The following ANKRD36C variants were observed in gnomAD, a reference collection of about 807,000 sequenced individuals.
ANKRD36C encodes the protein ankyrin repeat domain 36C.
A neutral mutation model predicts 276.4 loss-of-function variants in ANKRD36C; 61 were observed. The ratio of observed to expected loss-of-function variants is 0.22; its 90% CI spans 0.18 to 0.27. ANKRD36C has a LOEUF of 0.27. ANKRD36C is among the 10% of genes least tolerant of loss of function. The pLI, the probability that ANKRD36C is intolerant of heterozygous loss-of-function variation, is 1.00. For missense variants in ANKRD36C, 1,447 were observed against 2,032.3 expected (o/e 0.71, Z 5.54); for synonymous variants, 483 against 680.1 (o/e 0.71, Z 4.51).
chr2:95,907,763 A>G (rs973840898), intron 42 of ANKRD36C, among the ~76,000 whole-genome samples: 1 of 149,706 alleles, frequency 6.7e-6, no homozygotes, highest in African/African-American at 2.5e-5. Context: ...AAGGAAACAA[A>G]TTTATTCATA....
intron 30 of ANKRD36C, among the ~76,000 whole-genome samples, 199 bp from the exon 31 acceptor site, chr2:95,923,888 T>C (rs1677341004): frequency 6.6e-6 from 1 of 151,634 alleles, no homozygotes; most frequent in African/African-American, 2.4e-5. Context: ...ACCCTTACAA[T>C]GTCAATCATG....
intron 12 of ANKRD36C, among the ~76,000 whole-genome samples, chr2:95,957,792 A>C (rs1205187072): frequency 1.3e-5 from 2 of 152,250 alleles, no homozygotes; most frequent in East Asian, 3.8e-4. Context: ...CATTCTCTAA[A>C]GTATTTTCAT....
chr2:95,944,077 C>T (rs1042273399), intron 19 of ANKRD36C, among the ~76,000 whole-genome samples: 5 of 152,282 alleles, frequency 3.3e-5, no homozygotes, highest in South Asian at 2.1e-4. Context: ...CCGTAAGTCA[C>T]TCAGAAGAAT....
intron 44 of ANKRD36C, among the ~76,000 whole-genome samples, chr2:95,892,843 A>G (rs1301448841): frequency 6.6e-6 from 1 of 151,396 alleles, no homozygotes; most frequent in East Asian, 2.0e-4. Context: ...AACTAAAATC[A>G]ACAAAACATG....
downstream of ANKRD36C, chr2:95,851,123 A>T: frequency 6.5e-7 from 1 of 1,535,100 alleles, no homozygotes; most frequent in South Asian, 1.2e-5. Flanking sequence ...TTTATTTCAG[A>T]AATCAATGAT....
At chr2:95,959,596 T>G (rs1408852089) in intron 10 of ANKRD36C, among the ~76,000 whole-genome samples, 1 of 152,098 alleles carries the variant, frequency 6.6e-6, no homozygotes, top group Non-Finnish European at 1.5e-5. Flanking sequence ...AAATAACCAC[T>G]TTAGGAGTCA....
At position 95,880,517 on chromosome 2, in the gene ANKRD36C, C is replaced by A; in HGVS notation, c.3397-18G>T. ...ATTGTAGCCTGAATGGGTTTTAAAACAAAGTGATTAGCACATGATGTATAT... is the reference window on the plus strand; with the variant it reads ...ATTGTAGCCTGAATGGGTTTTAAAAAAAAGTGATTAGCACATGATGTATAT... On this transcript the variant is annotated intron_variant, in intron 57 of 66. Coordinates refer to ENST00000456556, the Ensembl canonical transcript of ANKRD36C. 2 of 1,544,538 alleles carry A rather than the reference C, an allele frequency of 1.3e-6. No individual in the cohort carries two copies.
rs773131660 is a variant in ANKRD36C, at chr2:95,918,039, G to C, written c.2249C>G (p.Ser750Cys). The change falls in exon 35 of 67, where the codon TCT (serine) becomes TGT (cysteine). Residue 750 changes from serine to cysteine, a missense_variant. Around this residue, in one of 13 missense-constraint regions of ANKRD36C, gnomAD observed 565 missense variants for 539.5 expected, o/e 1.05. Transcript: ENST00000456556. Reference sequence around the variant, plus strand: ...CTTCAAGGCTGGTTGTTTCTGAGAAGACACTGAAAAGCAAAAGGGATACAT... The same window carrying C: ...CTTCAAGGCTGGTTGTTTCTGAGAACACACTGAAAAGCAAAAGGGATACAT... 6 of 1,600,594 alleles carry C rather than the reference G, an allele frequency of 3.7e-6. No homozygotes were observed. In the African/African-American group the frequency reaches 6.7e-5, roughly 18 times the overall value.
chr2:95,860,250 A>G (rs1675540101), intron 60 of ANKRD36C, among the ~76,000 whole-genome samples, 176 bp from the exon 81 acceptor site: 1 of 152,024 alleles, frequency 6.6e-6, no homozygotes, highest in Admixed American at 6.6e-5. Context: ...CACCTCTGCT[A>G]TTGTTTTAGC....
exon 3 of ANKRD36C, chr2:95,986,786 G>T: frequency 6.2e-7 from 1 of 1,611,948 alleles, no homozygotes; most frequent in South Asian, 1.1e-5. Context: ...CCATATGAAA[G>T]AAGTTTTTCT....
Position 95,958,193 on chromosome 2 carries a change from T to C in ANKRD36C, c.1105+398A>G, listed in dbSNP as rs72935857. Among the ~76,000 whole-genome samples the C allele has an allele frequency of 2.0e-3, 298 of 152,178 alleles. 2 individuals carry two copies. The highest frequency in any genetic ancestry group is 6.9e-3 in the African/African-American group (288 of 41,556). ...ATTACTTCTCGTTCTATAGTTTTTA[T>C]GGCTTTTTACGATCACTTCTTCCCT... On this transcript the variant is annotated intron_variant, in intron 12 of 66. Transcript: ENST00000456556.
At chr2:95,961,070 C>T (rs899923759) in intron 8 of ANKRD36C, among the ~76,000 whole-genome samples, 1 of 152,084 alleles carries the variant, frequency 6.6e-6, no homozygotes, top group African/African-American at 2.4e-5. Flanking sequence ...GGGATTTATA[C>T]CATTATACTA....
chr2:95,938,752 G>C, intron 22 of ANKRD36C, 77 bp downstream of exon 22: 1 of 1,514,590 alleles, frequency 6.6e-7, no homozygotes, highest in Non-Finnish European at 8.9e-7. Context: ...GATAAAAAGT[G>C]GGAATCAAAA....
At chr2:95,852,379 C>T (rs1251813964) in intron 64 of ANKRD36C, 183 bp from the exon 85 acceptor site, 20 of 589,632 alleles carry the variant, frequency 3.4e-5, no homozygotes, top group Non-Finnish European at 5.7e-5. Context: ...TTTAGTGGGA[C>T]ACTGCTACAC....
chr2:95,976,007 G>A (rs1420791728), intron 6 of ANKRD36C, among the ~76,000 whole-genome samples: 3 of 152,140 alleles, frequency 2.0e-5, no homozygotes, highest in African/African-American at 7.2e-5. Flanking sequence ...CATTTATGCA[G>A]CCAAAAAAAC....
intron 30 of ANKRD36C, among the ~76,000 whole-genome samples, chr2:95,924,151 T>A (rs1677347386): frequency 6.6e-6 from 1 of 151,670 alleles, no homozygotes; most frequent in African/African-American, 2.4e-5. Flanking sequence ...ACAATTACAA[T>A]GACACTTCAG....
chr2:95,921,936 A>T (rs992202684), intron 32 of ANKRD36C, 126 bp from the exon 33 acceptor site: 12 of 1,044,160 alleles, frequency 1.1e-5, no homozygotes, highest in African/African-American at 3.3e-5. Context: ...TTTCTACTTT[A>T]TGTCTTAAGC....
intron 44 of ANKRD36C, among the ~76,000 whole-genome samples, chr2:95,896,738 C>T (rs1199007507): frequency 6.8e-6 from 1 of 146,830 alleles, no homozygotes; most frequent in African/African-American, 2.5e-5. Flanking sequence ...GAAGTGAGTT[C>T]ACTCAGGTTT....
intron 6 of ANKRD36C, among the ~76,000 whole-genome samples, chr2:95,975,575 T>C (rs1678793324): frequency 1.3e-5 from 2 of 152,226 alleles, no homozygotes; most frequent in East Asian, 3.8e-4. Flanking sequence ...GCTAGCCATA[T>C]GTAGAAAGCT....
Sources: gnomAD v4.1 joint callset for allele counts (sites outside exome capture counted in the v4.1 genomes callset) on GRCh38, gnomAD v4.1.1 for gene constraint, gnomAD v4.1.1 regional missense constraint, MANE v1.5 for transcripts, NCBI Gene and HGNC (gene_info 2026-07-23, HGNC 2026-07-21) for gene names.